The following TRIB3 variants were observed in gnomAD, a reference collection of about 807,000 sequenced individuals.
TRIB3 encodes the protein tribbles pseudokinase 3, also known as tribbles homolog 3.
In TRIB3, 20 loss-of-function variants were observed where a neutral mutation model predicts 16.6. That is an observed-to-expected ratio of 1.20 (90% CI 0.85 to 1.75). The LOEUF is 1.75. Among genes scored for constraint, TRIB3 ranks in the 40% most tolerant of loss-of-function variants. TRIB3 has a pLI of 0.00. For missense variants in TRIB3, 484 were observed against 488.9 expected, an observed-to-expected ratio of 0.99 and a Z score of 0.10; for synonymous variants, 208 against 217.0, an observed-to-expected ratio of 0.96 and a Z score of 0.36.
In TRIB3 at chr20:396,446, A is replaced by T. The variant is rs372839206; in HGVS notation, c.833A>T (p.Tyr278Phe). ...TTCGGCAAGATCCGCCGCGGGGCCT[A>T]CGCCTTGCCTGCAGGCCTCTCGGCC... ...LLFGKIRRGAYALPAGLSAPA... is the reference protein window; with the variant it reads ...LLFGKIRRGAFALPAGLSAPA... The change falls in exon 4 of 4, where the codon TAC (tyrosine) becomes TTC (phenylalanine). Residue 278 changes from tyrosine to phenylalanine, a missense_variant. Tyr to Phe is a conservative substitution (Grantham distance 22). Coordinates refer to ENST00000217233, the MANE Select transcript of TRIB3 (RefSeq NM_021158.5). The T allele has an allele frequency of 6.2e-7, 1 of 1,612,854 alleles. No individual in the cohort carries two copies. Among genetic ancestry groups the T allele is most frequent in the Middle Eastern group, 1.7e-4 (1 of 6,060 alleles).
At chr20:395,952 G>C (rs2015112084) in intron 3 of TRIB3, among the ~76,000 whole-genome samples, 1 of 152,184 alleles carries the variant, frequency 6.6e-6, no homozygotes, top group Non-Finnish European at 1.5e-5. Flanking sequence ...AAGGGACTCT[G>C]TTGAAAAATG....
intron 1 of TRIB3, among the ~76,000 whole-genome samples, chr20:381,873 G>A (rs990601244): frequency 3.3e-5 from 5 of 152,212 alleles, no homozygotes; most frequent in Non-Finnish European, 2.9e-5. Context: ...TGCGGTGTGT[G>A]CTGTGCCTGC....
chr20:391,337 G>GC lies in TRIB3; in HGVS notation c.347dup (p.His117AlafsTer9). 4 of 1,613,344 alleles carry GC rather than the reference G, an allele frequency of 2.5e-6. No homozygotes were observed. The highest frequency in any genetic ancestry group is 3.4e-6 in the Non-Finnish European group (4 of 1,180,020). ...CCGTGCTGGAGCCCTATGCGCGGCTGCCCCCGCACAAGCATGTGGCTCGGC... is the reference window on the plus strand; with the variant it reads ...CCGTGCTGGAGCCCTATGCGCGGCTGCCCCCCGCACAAGCATGTGGCTCGGC... On this transcript the variant is annotated frameshift_variant, in exon 3 of 4. Transcript: ENST00000217233. LOFTEE classifies it high-confidence loss of function.
At chr20:395,555 A>G (rs1018565078) in intron 3 of TRIB3, among the ~76,000 whole-genome samples, 3 of 152,096 alleles carry the variant, frequency 2.0e-5, no homozygotes, top group Non-Finnish European at 4.4e-5. Context: ...TCATTAAAAT[A>G]CAATTCCTGG....
At chr20:395,360 CG>C (rs1780774767) in intron 3 of TRIB3, among the ~76,000 whole-genome samples, 4 of 151,850 alleles carry the variant, frequency 2.6e-5, no homozygotes, top group Admixed American at 2.6e-4. Context: ...AGGTTTTTAC[CG>C]TGTTGCCCAG....
intron 1 of TRIB3, among the ~76,000 whole-genome samples, chr20:384,511 G>T (rs1030634171): frequency 6.6e-6 from 1 of 152,022 alleles, no homozygotes; most frequent in Non-Finnish European, 1.5e-5. Context: ...CTACAGGCAT[G>T]CACCACCATG....
rs76187747 is a variant in TRIB3 at position 384,784 on chromosome 20, A to G, written c.1-3227A>G. On this transcript the variant is annotated intron_variant, in intron 1 of 3. Coordinates refer to ENST00000217233, the MANE Select transcript of TRIB3 (RefSeq NM_021158.5). ...TATGTGGTACTTCTGAAGCCAAGGT[A>G]GATGCTGGAGCTCCAGCAGTTAGGT... Among the ~76,000 whole-genome samples the G allele has an allele frequency of 0.016, 2,436 of 152,284 alleles. 148 individuals are homozygous for G. In the East Asian group the frequency reaches 0.22, roughly 13 times the overall value.
At position 388,271 on chromosome 20, in the gene TRIB3, C is replaced by CT. The variant is rs767505682; in HGVS notation, c.262dup (p.Cys88LeufsTer6). 4.0e-5 allele frequency: 65 copies of CT among 1,612,878 alleles called. No individual in the cohort carries two copies. The highest frequency in any genetic ancestry group is 5.3e-5 in the Non-Finnish European group (63 of 1,179,964). On this transcript the variant is annotated frameshift_variant, in exon 2 of 4. Coordinates refer to ENST00000217233, the MANE Select transcript of TRIB3 (RefSeq NM_021158.5). LOFTEE classifies it high-confidence loss of function. ...GCGGGCGGGCCTACCAGGCCCTGCA[C>CT]TGCCCTACAGGCACTGAGTATACCT... is the stretch of plus-strand genomic sequence containing the variant.
chr20:396,780 T>C lies in TRIB3; in HGVS notation c.*90T>C. 1 of 1,502,996 alleles carries C rather than the reference T, an allele frequency of 6.7e-7. No individual in the cohort carries two copies. The highest frequency in any genetic ancestry group is 8.9e-7 in the Non-Finnish European group (1 of 1,128,970). The allele number at this position is 1,502,996 out of a possible 1,614,324, so 93.1% of individuals were successfully genotyped here. A position where few individuals can be genotyped will look rare whatever the true frequency, so the allele number is the denominator to read the frequency against. On this transcript the variant is annotated 3_prime_UTR_variant, in exon 4 of 4. Transcript: ENST00000217233. ...TCCTGCCTCTGAACTGAGCCAAACCTTCAGTGCCTTCCAGAAGGGAGAAAG... is the reference window on the plus strand; with the variant it reads ...TCCTGCCTCTGAACTGAGCCAAACCCTCAGTGCCTTCCAGAAGGGAGAAAG...
rs553561648 is a variant in TRIB3, at chr20:382,561, C to T, written c.-1+1392C>T. 4.2e-4 allele frequency: 645 copies of T among 1,535,728 alleles called. 3 individuals carry two copies. Among genetic ancestry groups the T allele is most frequent in the Middle Eastern group, 1.7e-3 (10 of 5,990 alleles). ...ACTCCCAAGGATGGTACTTATGCAT[C>T]TTGCTGTGAAGAATAACAGGATGAG... is the stretch of plus-strand genomic sequence containing the variant. On this transcript the variant is annotated intron_variant, in intron 1 of 3. Transcript: ENST00000217233.
At chr20:391,621 G>A (rs375135303) in intron 3 of TRIB3, 42 bp downstream of exon 3, 3 of 1,579,678 alleles carry the variant, frequency 1.9e-6, no homozygotes, top group African/African-American at 2.7e-5. Context: ...ACACACCCAG[G>A]GGGTGGGCCA....
At chr20:396,151 G>A (rs543541176) in intron 3 of TRIB3, 47 bp from the exon 4 acceptor site, 57 of 1,566,362 alleles carry the variant, frequency 3.6e-5, no homozygotes, top group Non-Finnish European at 4.7e-5. Context: ...TGGTGGCATG[G>A]GGGTTCTGGG....
rs760450429 is a variant in TRIB3, at chr20:396,385, C to A, written c.772C>A (p.His258Asn). 1.9e-6 allele frequency: 3 copies of A among 1,613,448 alleles called. No individual in the cohort carries two copies. The East Asian group carries it at 6.7e-5, about 36-fold the overall frequency. Reference protein sequence around the residue: ...GVALFTMLAGHYPFQDSEPVL... With the variant: ...GVALFTMLAGNYPFQDSEPVL... ...GGCGCTCTTCACCATGCTGGCCGGC[C>A]ACTACCCCTTCCAGGACTCGGAGCC... Residue 258 changes from histidine (H) to asparagine (N), a missense_variant, in exon 4 of 4, where the codon CAC becomes AAC. Coordinates refer to ENST00000217233, the MANE Select transcript of TRIB3 (RefSeq NM_021158.5).
intron 1 of TRIB3, among the ~76,000 whole-genome samples, chr20:382,143 T>G (rs1351571067): frequency 2.0e-5 from 3 of 147,336 alleles, no homozygotes; most frequent in South Asian, 2.2e-4. Context: ...GCGCGCGCGC[T>G]TGCGCTTGAT....
intron 1 of TRIB3, chr20:382,640 A>G (rs1184227634): frequency 1.5e-6 from 2 of 1,371,128 alleles, no homozygotes; most frequent in Non-Finnish European, 2.0e-6. Flanking sequence ...CATAAGCTCT[A>G]CATGCTTCAT....
chr20:392,664 C>T (rs1281706456), intron 3 of TRIB3, among the ~76,000 whole-genome samples: 2 of 150,020 alleles, frequency 1.3e-5, no homozygotes, highest in Admixed American at 6.6e-5. Context: ...TCAAGTGATA[C>T]GCCTGCCTCA....
chr20:394,802 A>AT (rs904097103), intron 3 of TRIB3, among the ~76,000 whole-genome samples: 1 of 151,842 alleles, frequency 6.6e-6, no homozygotes, highest in African/African-American at 2.4e-5. Context: ...AAAAAAAGAA[A>AT]AAAAAAAAGA....
chr20:381,235 A>C (rs1436194447), intron 1 of TRIB3, 66 bp downstream of exon 1: 1 of 151,896 alleles, frequency 6.6e-6, no homozygotes, highest in East Asian at 2.0e-4. Context: ...GCGGCCGGGG[A>C]AGGGGGCGCC....
chr20:381,964 T>A (rs2014667022), intron 1 of TRIB3, among the ~76,000 whole-genome samples: 1 of 151,002 alleles, frequency 6.6e-6, no homozygotes, highest in Admixed American at 6.6e-5. Flanking sequence ...CGCTTCAATT[T>A]CCGCTGAAAC....
Sources: allele counts gnomAD v4.1 joint callset (sites outside exome capture counted in the v4.1 genomes callset), GRCh38; gene constraint gnomAD v4.1.1; transcripts MANE v1.5; gene names NCBI Gene and HGNC (gene_info 2026-07-23, HGNC 2026-07-21).